The following MKNK1 variants were observed in gnomAD, a reference collection of about 807,000 sequenced individuals.
The protein encoded by MKNK1 is MAP kinase-interacting serine/threonine-protein kinase 1.
Under a neutral mutation model 49.3 loss-of-function variants are expected in MKNK1, and 30 were observed. That is an observed-to-expected ratio of 0.61 (90% CI 0.46 to 0.83). The LOEUF (loss-of-function observed/expected upper bound fraction) is 0.83. Among genes scored for constraint, MKNK1 ranks in the 40% least tolerant of loss-of-function variants. MKNK1 has a pLI of 0.00. For synonymous variants in MKNK1, 176 were observed against 201.7 expected (o/e 0.87, Z 1.08); for missense variants, 423 against 524.7 (o/e 0.81, Z 1.89).
At chr1:46,585,957 G>A (rs1557877669) in intron 2 of MKNK1, 10 of 1,363,996 alleles carry the variant, frequency 7.3e-6, no homozygotes, top group Non-Finnish European at 8.8e-6. Flanking sequence ...AATGGAACTT[G>A]GAGAGTTGTT....
At chr1:46,583,482 C>T (rs1672054795) in intron 2 of MKNK1, among the ~76,000 whole-genome samples, 153 bp from the exon 3 acceptor site, 1 of 151,840 alleles carries the variant, frequency 6.6e-6, no homozygotes, top group Admixed American at 6.6e-5. Context: ...TTTGTTTTGA[C>T]CTAGGAGGAA....
At chr1:46,572,035 C>T in intron 7 of MKNK1, 28 bp downstream of exon 7, 1 of 1,608,480 alleles carries the variant, frequency 6.2e-7, no homozygotes, top group East Asian at 2.2e-5. Flanking sequence ...CAGCCCAACC[C>T]ACCCACCAAG....
intron 1 of MKNK1, among the ~76,000 whole-genome samples, chr1:46,602,794 T>G (rs1570362079): frequency 6.6e-6 from 1 of 152,256 alleles, no homozygotes; most frequent in Non-Finnish European, 1.5e-5. Context: ...CCCACCAAGG[T>G]TTCCGAGTAG....
At chr1:46,569,167 C>T (rs1184429745) in intron 7 of MKNK1, 1 of 152,392 alleles carries the variant, frequency 6.6e-6, no homozygotes. Flanking sequence ...AAGCAATCCT[C>T]CTCCCTTGGC....
intron 1 of MKNK1, among the ~76,000 whole-genome samples, chr1:46,598,301 G>A (rs1004078573): frequency 6.6e-6 from 1 of 152,150 alleles, no homozygotes; most frequent in Admixed American, 6.5e-5. Context: ...TGTTTACTGT[G>A]GAGAGAGGTG....
At chr1:46,588,663 C>T (rs1004822596) in intron 2 of MKNK1, among the ~76,000 whole-genome samples, 39 of 152,042 alleles carry the variant, frequency 2.6e-4, no homozygotes, top group African/African-American at 9.4e-4. Flanking sequence ...AAAAATTAGC[C>T]GGGCGAGGTG....
In MKNK1 at chr1:46,558,462, G is replaced by T; in HGVS notation, c.*113C>A. On this transcript the variant is annotated 3_prime_UTR_variant, in exon 13 of 13. Coordinates refer to ENST00000371945, the MANE Select transcript of MKNK1 (RefSeq NM_001135553.4). ...AGGGCCTTCGTAGATGAAAAAGCCT[G>T]AATGGAGCCACAGAGCAGAGGCTGC... is the stretch of plus-strand genomic sequence containing the variant. 1 of 1,109,300 alleles carries T rather than the reference G, an allele frequency of 9.0e-7. No individual in the cohort carries two copies. The highest frequency in any genetic ancestry group is 1.3e-6 in the Non-Finnish European group (1 of 797,082). The allele number at this position is 1,109,300 out of a possible 1,614,324, so 68.7% of individuals were successfully genotyped here. A position where few individuals can be genotyped will look rare whatever the true frequency, so the allele number is the denominator to read the frequency against.
At chr1:46,582,947 A>C (rs1304514943) in intron 3 of MKNK1, 2 of 597,620 alleles carry the variant, frequency 3.3e-6, no homozygotes, top group Admixed American at 2.1e-5. Flanking sequence ...GACCCCAGGC[A>C]ATGCCACTGA....
Position 46,558,420 on chromosome 1 carries a change from G to A in MKNK1, c.*155C>T, listed in dbSNP as rs1229464037. On this transcript the variant is annotated 3_prime_UTR_variant, in exon 13 of 13. Transcript: ENST00000371945. ...TTCCTCCAGGACCCTAGGGAAATGG[G>A]GGTTGATGGGAACCTCAGGGCCTTC... 4 of 712,822 alleles carry A rather than the reference G, an allele frequency of 5.6e-6. No individual in the cohort carries two copies. Among genetic ancestry groups the A allele is most frequent in the Non-Finnish European group, 8.8e-6 (4 of 453,948 alleles). The allele number at this position is 712,822 out of a possible 1,614,324, so 44.2% of individuals were successfully genotyped here. A position where few individuals can be genotyped will look rare whatever the true frequency, so the allele number is the denominator to read the frequency against.
rs569521226 is a variant in MKNK1 at position 46,594,197 on chromosome 1, G to A, written c.-87C>T. ...ATAAAGCTCCTGTCAGGAAGTTGGT[G>A]TCTTCCAGCTACACGAAGTGTCTCA... On this transcript the variant is annotated 5_prime_UTR_variant, in exon 2 of 13. Coordinates refer to ENST00000371945, the MANE Select transcript of MKNK1 (RefSeq NM_001135553.4). 4.1e-6 allele frequency: 6 copies of A among 1,469,436 alleles called. No homozygotes were observed. In the African/African-American group the frequency reaches 5.5e-5, roughly 14 times the overall value. The allele number at this position is 1,469,436 out of a possible 1,614,324, so 91.0% of individuals were successfully genotyped here. A position where few individuals can be genotyped will look rare whatever the true frequency, so the allele number is the denominator to read the frequency against.
Position 46,587,645 on chromosome 1 carries a change from T to C in MKNK1, c.-2-4316A>G, listed in dbSNP as rs1406829052. On this transcript the variant is annotated intron_variant, in intron 2 of 12. Coordinates refer to ENST00000371945, the MANE Select transcript of MKNK1 (RefSeq NM_001135553.4). ...CCAGCCTGACCAACATGGAGAAACC[T>C]CGTCTCTACTAAAAGTACAAAATTA... Among the ~76,000 whole-genome samples the C allele has an allele frequency of 2.0e-5, 3 of 151,976 alleles. No homozygotes were observed. In the South Asian group the frequency reaches 6.2e-4, roughly 32 times the overall value.
chr1:46,596,068 T>C (rs1674024833), intron 1 of MKNK1, among the ~76,000 whole-genome samples: 1 of 152,226 alleles, frequency 6.6e-6, no homozygotes, highest in Non-Finnish European at 1.5e-5. Flanking sequence ...ATTCTGTCTT[T>C]AGTCTTGTCA....
chr1:46,576,794 A>G (rs1390306241), intron 4 of MKNK1, 140 bp from the exon 5 acceptor site: 7 of 725,120 alleles, frequency 9.7e-6, no homozygotes, highest in Non-Finnish European at 1.7e-5. Flanking sequence ...CCTTGGTGAC[A>G]CCGGCACTGT....
rs567428742 is a variant in MKNK1, at chr1:46,572,117, C to T, written c.403G>A (p.Ala135Thr). 4.5e-5 allele frequency: 73 copies of T among 1,614,188 alleles called. No homozygotes were observed. Among genetic ancestry groups the T allele is most frequent in the Admixed American group, 1.3e-4 (8 of 60,028 alleles). The change falls in exon 7 of 13, where the codon GCC (alanine) becomes ACC (threonine). Residue 135 changes from alanine to threonine, a missense_variant. Physicochemically the swap from Ala to Thr is moderately conservative, Grantham distance 58. Coordinates refer to ENST00000371945, the MANE Select transcript of MKNK1 (RefSeq NM_001135553.4). ...GCAACGTCCCGCACCACTCGGCTGG[C>T]TTCTCGCTCATTGAAGTGCTTTTGC... The part of the protein sequence containing the change: ...QKQKHFNERE[A>T]SRVVRDVAAA...
At chr1:46,562,867 G>C in intron 9 of MKNK1, 24 bp from the exon 10 acceptor site, 2 of 1,580,108 alleles carry the variant, frequency 1.3e-6, no homozygotes, top group Middle Eastern at 1.7e-4. Flanking sequence ...GGTTGGGGGA[G>C]GGGGAGATGG....
At chr1:46,586,781 G>A (rs377217458) in intron 2 of MKNK1, among the ~76,000 whole-genome samples, 3 of 152,252 alleles carry the variant, frequency 2.0e-5, no homozygotes, top group Middle Eastern at 3.4e-3. Context: ...TCGAAAAAGG[G>A]TCTAGGACAC....
chr1:46,575,307 C>A (rs1670790069), intron 5 of MKNK1: 1 of 305,778 alleles, frequency 3.3e-6, no homozygotes, highest in Non-Finnish European at 6.1e-6. Flanking sequence ...ATAAAAAAGT[C>A]CCGGTCACAT....
intron 8 of MKNK1, among the ~76,000 whole-genome samples, chr1:46,566,033 T>C (rs1386438875): frequency 2.0e-5 from 3 of 152,202 alleles, no homozygotes; most frequent in Non-Finnish European, 2.9e-5. Context: ...TTAGTGGTAT[T>C]AATTAAGTAC....
rs2297850 is a variant in MKNK1 at position 46,576,940 on chromosome 1, C to T, written c.199-286G>A. Reference sequence around the variant, plus strand: ...GCTGCCCAGGGGAGACTGAGGCAGCCGGCAAGACAAAGAGCTACCTTACTC... The same window carrying T: ...GCTGCCCAGGGGAGACTGAGGCAGCTGGCAAGACAAAGAGCTACCTTACTC... On this transcript the variant is annotated intron_variant, in intron 4 of 12. Coordinates refer to ENST00000371945, the MANE Select transcript of MKNK1 (RefSeq NM_001135553.4). Among the ~76,000 whole-genome samples, 53,776 of 152,096 alleles carry T rather than the reference C, an allele frequency of 0.35. 11,971 individuals are homozygous for T. The highest frequency in any genetic ancestry group is 0.51 in the Non-Finnish European group (34,512 of 67,950).
Sources: allele counts gnomAD v4.1 joint callset (sites outside exome capture counted in the v4.1 genomes callset), GRCh38; gene constraint gnomAD v4.1.1; transcripts MANE v1.5; gene names NCBI Gene and HGNC (gene_info 2026-07-23, HGNC 2026-07-21).